The following SEMA6A variants were observed in gnomAD, a reference collection of about 807,000 sequenced individuals.
The protein encoded by SEMA6A is semaphorin 6A.
In SEMA6A, 25 loss-of-function variants were observed where a neutral mutation model predicts 96.8. That is an observed-to-expected ratio of 0.26 (90% confidence interval 0.19 to 0.36). The LOEUF (loss-of-function observed/expected upper bound fraction) is 0.36. Among genes scored for constraint, SEMA6A ranks in the 10% least tolerant of loss-of-function variants. The pLI, the probability that SEMA6A is intolerant of heterozygous loss-of-function variation, is 1.00. For synonymous variants in SEMA6A, 612 were observed against 518.0 expected (o/e 1.18, Z -2.46); for missense variants, 1,363 against 1,323.1 (o/e 1.03, Z -0.47).
chr5:116,484,066 GA>G (rs542325007), intron 10 of SEMA6A, among the ~76,000 whole-genome samples: 57,994 of 100,172 alleles, frequency 0.58, 14,804 homozygotes, highest in East Asian at 0.74. Flanking sequence ...TCTGTCTGAA[GA>G]AAAAAAAAAA....
intron 17 of SEMA6A, chr5:116,472,814 G>C: frequency 1.7e-6 from 2 of 1,197,504 alleles, no homozygotes; most frequent in Non-Finnish European, 2.3e-6. Flanking sequence ...GTTTAGGAAT[G>C]AAAACTATAA....
chr5:116,557,281 G>A (rs1000939991), intron 1 of SEMA6A, among the ~76,000 whole-genome samples: 1 of 152,174 alleles, frequency 6.6e-6, no homozygotes, highest in African/African-American at 2.4e-5. Flanking sequence ...AGGCTGCAGT[G>A]CAGTGGTCCA....
chr5:116,446,831 G>A lies in SEMA6A; in HGVS notation c.2875C>T (p.Pro959Ser). ...TCCACCCTCTGCGGGGCGGGCGGCG[G>A]GTTGTCTCCCCTGCCAAAGCTCTGG... ...RNQSFGRGDN[P>S]PPAPQRVDSI... The change falls in exon 19 of 19, where the codon CCG (proline) becomes TCG (serine). Residue 959 changes from proline (P) to serine (S), a missense_variant. Physicochemically the swap from Pro to Ser is moderately conservative, Grantham distance 74. Coordinates refer to ENST00000343348, the MANE Select transcript of SEMA6A (RefSeq NM_020796.5). 6.2e-7 allele frequency: 1 copy of A among 1,613,968 alleles called. No individual in the cohort carries two copies. Among genetic ancestry groups the A allele is most frequent in the Non-Finnish European group, 8.5e-7 (1 of 1,179,876 alleles).
chr5:116,482,283 T>A (rs898259849), intron 11 of SEMA6A, among the ~76,000 whole-genome samples, 161 bp downstream of exon 11: 3 of 152,018 alleles, frequency 2.0e-5, no homozygotes, highest in Non-Finnish European at 1.5e-5. Flanking sequence ...TTGGTTTGAG[T>A]ATATGAGAAG....
chr5:116,504,742 A>T, intron 2 of SEMA6A, 103 bp downstream of exon 2: 4 of 872,268 alleles, frequency 4.6e-6, no homozygotes. Flanking sequence ...GAGGACTAAT[A>T]AGTCACCTAT....
intron 16 of SEMA6A, among the ~76,000 whole-genome samples, chr5:116,474,376 A>G (rs2112674156): frequency 6.6e-6 from 1 of 152,182 alleles, no homozygotes; most frequent in Admixed American, 6.5e-5. Context: ...CCACTGATCA[A>G]ACATCAAACT....
rs539216640 is a variant in SEMA6A, at chr5:116,445,149, C to G, written c.*1464G>C. The G allele has an allele frequency of 6.6e-5, 10 of 152,660 alleles. No homozygotes were observed. Among genetic ancestry groups the G allele is most frequent in the Non-Finnish European group, 4.4e-5 (3 of 68,056 alleles). 9.5% of individuals were successfully genotyped at this position (152,660 alleles called of 1,614,324 possible). On this transcript the variant is annotated 3_prime_UTR_variant, in exon 19 of 19. Coordinates refer to ENST00000343348, the MANE Select transcript of SEMA6A (RefSeq NM_020796.5). ...GGCTGTCGCATGACAACTATCACCA[C>G]TGCATTCTTCCATCTGCTTGACTCC...
At chr5:116,496,077 A>G (rs1362833520) in intron 5 of SEMA6A, 174 bp downstream of exon 5, 1 of 574,638 alleles carries the variant, frequency 1.7e-6, no homozygotes, top group East Asian at 3.1e-5. Flanking sequence ...GTTTCATCAC[A>G]TTAAAAGCAA....
intron 1 of SEMA6A, among the ~76,000 whole-genome samples, chr5:116,539,622 T>G (rs1433068925): frequency 6.6e-6 from 1 of 151,726 alleles, no homozygotes; most frequent in Non-Finnish European, 1.5e-5. Flanking sequence ...TGTGTGTACT[T>G]TCTTTAATTT....
chr5:116,567,634 C>T (rs4379240), intron 1 of SEMA6A, among the ~76,000 whole-genome samples: 4,872 of 152,248 alleles, frequency 0.032, 264 homozygotes, highest in African/African-American at 0.11. Context: ...CATAAAGTCA[C>T]ACTGTTGGTA....
Position 116,522,413 on chromosome 5 carries a change from A to T in SEMA6A, c.-38-17431T>A, listed in dbSNP as rs73781647. Among the ~76,000 whole-genome samples the T allele has an allele frequency of 6.6e-5, 10 of 152,320 alleles. No homozygotes were observed. The East Asian group carries it at 1.7e-3, about 26-fold the overall frequency. On this transcript the variant is annotated intron_variant, in intron 1 of 18. Coordinates refer to ENST00000343348, the MANE Select transcript of SEMA6A (RefSeq NM_020796.5). Reference sequence around the variant, plus strand: ...CGTCTCTTCGCAGTATGGTCAGCCAATAGAAATATTCTGGAATACAGGATG... The same window carrying T: ...CGTCTCTTCGCAGTATGGTCAGCCATTAGAAATATTCTGGAATACAGGATG...
chr5:116,543,362 G>T (rs965127129), intron 1 of SEMA6A, among the ~76,000 whole-genome samples: 1 of 152,138 alleles, frequency 6.6e-6, no homozygotes, highest in African/African-American at 2.4e-5. Flanking sequence ...ACGTTTTCAC[G>T]TTTTCCTATG....
chr5:116,558,068 C>A (rs1760676968), intron 1 of SEMA6A, among the ~76,000 whole-genome samples: 1 of 152,108 alleles, frequency 6.6e-6, no homozygotes, highest in Non-Finnish European at 1.5e-5. Flanking sequence ...GACATCCAAA[C>A]AAACAGTTTC....
Position 116,444,610 on chromosome 5 carries a change from C to G in SEMA6A, c.*2003G>C, listed in dbSNP as rs1292901453. On this transcript the variant is annotated 3_prime_UTR_variant, in exon 19 of 19. Transcript: ENST00000343348. ...TTTGTGTGCTTGAGCAAATGAAAAC[C>G]AAGAGGAGAAAAACACACACCACCT... 1.3e-5 allele frequency: 2 copies of G among 152,496 alleles called. No individual in the cohort carries two copies. The highest frequency in any genetic ancestry group is 2.9e-5 in the Non-Finnish European group (2 of 68,020). The allele number at this position is 152,496 out of a possible 1,614,324, so 9.4% of individuals were successfully genotyped here.
In SEMA6A at chr5:116,478,580, G is replaced by A. The variant is rs536476454; in HGVS notation, c.1389C>T (p.Ser463=). ...RIGNSGFLND[S]LFLEEMSVYN... ...AAACACTCATCTCCTCCAGGAAAAG[G>A]CTGTCATTTAGAAAACCACTATTTC... The change falls in exon 13 of 19, where the codon AGC becomes AGT. Residue 463 remains serine (S), a synonymous_variant. Transcript: ENST00000343348. 6.2e-7 allele frequency: 1 copy of A among 1,612,652 alleles called. No individual in the cohort carries two copies. The highest frequency in any genetic ancestry group is 1.7e-5 in the Admixed American group (1 of 59,822).
chr5:116,466,869 G>A (rs1320661278), intron 18 of SEMA6A, among the ~76,000 whole-genome samples: 1 of 152,156 alleles, frequency 6.6e-6, no homozygotes, highest in African/African-American at 2.4e-5. Context: ...AAAGTAGGAT[G>A]TGTTACCAGA....
intron 18 of SEMA6A, among the ~76,000 whole-genome samples, 187 bp from the exon 19 acceptor site, chr5:116,447,998 A>G (rs866186953): frequency 2.0e-5 from 3 of 152,058 alleles, no homozygotes; most frequent in African/African-American, 7.2e-5. Flanking sequence ...CGTGTGCAGT[A>G]TGTAAATGGA....
At chr5:116,542,167 T>C (rs1045437979) in intron 1 of SEMA6A, among the ~76,000 whole-genome samples, 1 of 152,182 alleles carries the variant, frequency 6.6e-6, no homozygotes, top group Non-Finnish European at 1.5e-5. Flanking sequence ...ATAGGGAATC[T>C]CAGATAATTA....
intron 1 of SEMA6A, among the ~76,000 whole-genome samples, chr5:116,531,940 A>G (rs1759495196): frequency 6.6e-6 from 1 of 152,104 alleles, no homozygotes; most frequent in Non-Finnish European, 1.5e-5. Context: ...GCCAACTGGA[A>G]TTAGCTGAGA....
Sources: gnomAD v4.1 joint callset for allele counts (sites outside exome capture counted in the v4.1 genomes callset) on GRCh38, gnomAD v4.1.1 for gene constraint, MANE v1.5 for transcripts, NCBI Gene and HGNC (gene_info 2026-07-23, HGNC 2026-07-21) for gene names.